Variants in SLC22A4 observed in about 807,000 individuals in gnomAD.
The protein encoded by SLC22A4 is ET transporter.
Under a neutral mutation model 56.6 loss-of-function variants are expected in SLC22A4, and 39 were observed. That is an observed-to-expected ratio of 0.69 (90% CI 0.53 to 0.90). The LOEUF is 0.90. Among genes scored for constraint, SLC22A4 ranks in the 40% least tolerant of loss-of-function variants. The pLI, the probability that SLC22A4 is intolerant of heterozygous loss-of-function variation, is 0.00. For synonymous variants in SLC22A4, 241 were observed against 281.4 expected (o/e 0.86, Z 1.44); for missense variants, 594 against 696.5 (o/e 0.85, Z 1.66).
chr5:132,331,872 A>T, intron 6 of SLC22A4, 22 bp downstream of exon 6: 2 of 1,412,316 alleles, frequency 1.4e-6, no homozygotes, highest in Non-Finnish European at 2.0e-6. Flanking sequence ...GTGACCTGGA[A>T]ATGCAGATAT....
chr5:132,309,457 G>A (rs1750126278), intron 1 of SLC22A4, among the ~76,000 whole-genome samples: 1 of 152,222 alleles, frequency 6.6e-6, no homozygotes, highest in African/African-American at 2.4e-5. Context: ...ATGCTGACAG[G>A]GCTTCTTGGG....
At chr5:132,328,928 TATACAC>T (rs1422205809) in intron 5 of SLC22A4, among the ~76,000 whole-genome samples, 25 of 22,126 alleles carry the variant, frequency 1.1e-3, no homozygotes, top group Middle Eastern at 0.014. Flanking sequence ...TATATATATA[TATACAC>T]ACACACACTT....
At chr5:132,328,635 G>T (rs2126729619) in intron 5 of SLC22A4, among the ~76,000 whole-genome samples, 1 of 152,184 alleles carries the variant, frequency 6.6e-6, no homozygotes. Flanking sequence ...CTGCCCTTCA[G>T]GGCTGTGCTG....
intron 1 of SLC22A4, among the ~76,000 whole-genome samples, chr5:132,301,499 C>A (rs927447588): frequency 6.6e-6 from 1 of 152,192 alleles, no homozygotes; most frequent in Non-Finnish European, 1.5e-5. Context: ...CAGCAAAGGG[C>A]CTGGACCTCT....
chr5:132,294,503 G>A lies in SLC22A4; in HGVS notation c.-114G>A. On this transcript the variant is annotated 5_prime_UTR_variant, in exon 1 of 10. Transcript: ENST00000200652. The surrounding 1 kb of genome is among the most constrained non-coding windows in gnomAD (Gnocchi z 5.6). ...TTCGCGCCCCAATTTCTAACAGCCTGCCTGTCCCCCGGGAACGTTCTAACA... is the reference window on the plus strand; with the variant it reads ...TTCGCGCCCCAATTTCTAACAGCCTACCTGTCCCCCGGGAACGTTCTAACA... 1 of 1,464,638 alleles carries A rather than the reference G, an allele frequency of 6.8e-7. No individual in the cohort carries two copies. The highest frequency in any genetic ancestry group is 2.3e-4 in the Middle Eastern group (1 of 4,268). 90.7% of individuals were successfully genotyped at this position (1,464,638 alleles called of 1,614,324 possible).
At chr5:132,328,577 AAACAACAAC>A (rs4646197) in intron 5 of SLC22A4, among the ~76,000 whole-genome samples, 4 of 150,304 alleles carry the variant, frequency 2.7e-5, no homozygotes, top group South Asian at 2.1e-4. Context: ...TAAATGGATA[AAACAACAAC>A]AACAACAACA....
At chr5:132,327,034 C>G (rs1278380845) in intron 4 of SLC22A4, among the ~76,000 whole-genome samples, 1 of 152,190 alleles carries the variant, frequency 6.6e-6, no homozygotes, top group Non-Finnish European at 1.5e-5. Flanking sequence ...GTTAATGTCA[C>G]CCCTTATGGT....
chr5:132,305,720 T>A (rs979458322), intron 1 of SLC22A4, among the ~76,000 whole-genome samples: 11 of 152,158 alleles, frequency 7.2e-5, no homozygotes. Flanking sequence ...AAAACTGAGA[T>A]AAAGAAATTC....
At chr5:132,339,475 TACACACACACACAC>T (rs58759726) in intron 8 of SLC22A4, among the ~76,000 whole-genome samples, 1 of 146,636 alleles carries the variant, frequency 6.8e-6, no homozygotes, top group African/African-American at 2.5e-5. Context: ...GGTACACACG[TACACACACACACAC>T]ACACACACAC....
In SLC22A4 at chr5:132,315,553, G is replaced by A. The variant is rs559095712; in HGVS notation, c.652+1785G>A. Among the ~76,000 whole-genome samples the A allele has an allele frequency of 7.9e-5, 12 of 152,226 alleles. No homozygotes were observed. The East Asian group carries it at 1.5e-3, about 20-fold the overall frequency. On this transcript the variant is annotated intron_variant, in intron 3 of 9. Transcript: ENST00000200652. ...CTACAGGAAAGGGCTGCCCTCCCCC[G>A]CCGGCTCTGACACTATCATCTACTC... is the stretch of plus-strand genomic sequence containing the variant.
chr5:132,343,959 G>C lies in SLC22A4; in HGVS notation c.*124G>C, dbSNP rs1298581701. On this transcript the variant is annotated 3_prime_UTR_variant, in exon 10 of 10. Coordinates refer to ENST00000200652, the MANE Select transcript of SLC22A4 (RefSeq NM_003059.3). Reference sequence around the variant, plus strand: ...ACACCAAAATGAACCTTGCTATCAAGAAATGCTCGTCATACAGTAAACTCT... The same window carrying C: ...ACACCAAAATGAACCTTGCTATCAACAAATGCTCGTCATACAGTAAACTCT... The C allele has an allele frequency of 3.1e-6, 2 of 653,930 alleles. No individual in the cohort carries two copies. The highest frequency in any genetic ancestry group is 5.5e-6 in the Non-Finnish European group (2 of 365,856). 40.5% of individuals were successfully genotyped at this position (653,930 alleles called of 1,614,324 possible).
chr5:132,339,619 C>G (rs1751143656), intron 8 of SLC22A4, among the ~76,000 whole-genome samples: 1 of 152,136 alleles, frequency 6.6e-6, no homozygotes, highest in Non-Finnish European at 1.5e-5. Flanking sequence ...CCTGAGATAG[C>G]AGATTATACA....
intron 7 of SLC22A4, among the ~76,000 whole-genome samples, chr5:132,335,472 T>TATTTCTTAATAATA: frequency 1.3e-5 from 2 of 152,346 alleles, no homozygotes; most frequent in South Asian, 4.1e-4. Flanking sequence ...AGAAAGAGGA[T>TATTTCTTAATAATA]AGAAAGGATT....
At chr5:132,332,870 C>T (rs763316214) in intron 6 of SLC22A4, among the ~76,000 whole-genome samples, 2 of 151,988 alleles carry the variant, frequency 1.3e-5, no homozygotes, top group Admixed American at 6.6e-5. Context: ...AGAGCTTATG[C>T]GTCTGAATTA....
intron 3 of SLC22A4, among the ~76,000 whole-genome samples, chr5:132,316,698 T>C (rs955373325): frequency 5.3e-5 from 8 of 152,218 alleles, no homozygotes; most frequent in African/African-American, 1.9e-4. Context: ...CTCCTTTTGA[T>C]AGGTGTGTAA....
intron 5 of SLC22A4, 64 bp from the exon 6 acceptor site, chr5:132,331,692 A>G: frequency 8.6e-7 from 1 of 1,162,926 alleles, no homozygotes; most frequent in East Asian, 2.3e-5. Context: ...CCCATGCATC[A>G]TAGCCAAAGA....
At position 132,312,402 on chromosome 5, in the gene SLC22A4, GC is replaced by G. The variant is rs922153588; in HGVS notation, c.497+142del. ...GGCCACTGATTCAGTGATAGGAGGA[GC>G]CCCGATGTCTCCTATTCACCCCGCC... On this transcript the variant is annotated intron_variant, in intron 2 of 9. Transcript: ENST00000200652. 25 of 697,414 alleles carry G rather than the reference GC, an allele frequency of 3.6e-5. No homozygotes were observed. The African/African-American group carries it at 4.0e-4, about 11-fold the overall frequency. 43.2% of individuals were successfully genotyped at this position (697,414 alleles called of 1,614,324 possible). A position where few individuals can be genotyped will look rare whatever the true frequency, so the allele number is the denominator to read the frequency against.
Position 132,328,930 on chromosome 5 carries a change from T to C in SLC22A4, c.951+1527T>C, listed in dbSNP as rs1169028163. 4.9e-3 allele frequency among the ~76,000 whole-genome samples: 108 copies of C among 21,942 alleles called. 1 individual carries two copies. The highest frequency in any genetic ancestry group is 5.5e-3 in the African/African-American group (17 of 3,066). 14.4% of individuals were successfully genotyped at this position (21,942 alleles called of 152,430 possible). On this transcript the variant is annotated intron_variant, in intron 5 of 9. Transcript: ENST00000200652. ...ATATATATATATATATATATATATA[T>C]ACACACACACACTTTAAAAAAATTT...
At chr5:132,303,664 G>A (rs561608104) in intron 1 of SLC22A4, among the ~76,000 whole-genome samples, 6 of 152,058 alleles carry the variant, frequency 3.9e-5, no homozygotes, top group African/African-American at 9.6e-5. Flanking sequence ...TCCACCCACC[G>A]CCTATTCATA....
Sources: allele counts gnomAD v4.1 joint callset (sites outside exome capture counted in the v4.1 genomes callset), GRCh38; gene constraint gnomAD v4.1.1; non-coding constraint Gnocchi (gnomAD v3.1); transcripts MANE v1.5; gene names NCBI Gene and HGNC (gene_info 2026-07-23, HGNC 2026-07-21).